Variants in PCDHA8 observed in about 807,000 individuals in gnomAD.
PCDHA8 encodes protocadherin alpha 8.
PCDHA8 carries 53 observed loss-of-function variants against 61.8 expected under a neutral mutation model. The ratio of observed to expected loss-of-function variants is 0.86; its 90% CI spans 0.69 to 1.08. The LOEUF is 1.08. Ranked by LOEUF, PCDHA8 falls within the 50% of genes least tolerant of loss-of-function variation. PCDHA8 has a pLI of 0.00. For missense variants in PCDHA8, 1,293 were observed against 1,245.0 expected (o/e 1.04, Z -0.58); for synonymous variants, 618 against 556.6 (o/e 1.11, Z -1.55).
intron 1 of PCDHA8, chr5:140,926,693 C>G (rs576013331): frequency 3.9e-4 from 291 of 742,942 alleles, no homozygotes; most frequent in Non-Finnish European, 5.0e-4. Flanking sequence ...CTAGCAAGCC[C>G]GGCTCCCAGC....
In PCDHA8 at chr5:140,842,782, C is replaced by T. The variant is rs1349278415; in HGVS notation, c.1461C>T (p.Asn487=). 6 of 1,594,538 alleles carry T rather than the reference C, an allele frequency of 3.8e-6. 1 individual carries two copies. The highest frequency in any genetic ancestry group is 5.1e-6 in the Non-Finnish European group (6 of 1,165,434). The part of the protein sequence containing the change: ...VSARDADAQE[N]ALVSYSLVER... ...CGCGAGACGCGGACGCGCAGGAGAA[C>T]GCGCTGGTGTCCTACTCGCTTGTGG... The change falls in exon 1 of 4, where the codon AAC becomes AAT. Residue 487 remains asparagine, a synonymous_variant. Transcript: ENST00000531613.
At chr5:140,864,639 A>C (rs2048553058) in intron 1 of PCDHA8, 1 of 152,238 alleles carries the variant, frequency 6.6e-6, no homozygotes, top group South Asian at 2.1e-4. Flanking sequence ...ACAAAACAAA[A>C]CAATGTCAGC....
rs782769711 is a variant in PCDHA8, at chr5:140,857,323, C to T, written c.2394+13608C>T. ...TGTCGGCCTATGAGCTGGTGGTGAC[C>T]GCGCGGGACGGGGGCTCGCCTCCGC... On this transcript the variant is annotated intron_variant, in intron 1 of 3. Coordinates refer to ENST00000531613, the MANE Select transcript of PCDHA8 (RefSeq NM_018911.3). The T allele has an allele frequency of 2.5e-6, 4 of 1,598,498 alleles. 1 individual carries two copies. Among genetic ancestry groups the T allele is most frequent in the Admixed American group, 1.7e-5 (1 of 59,312 alleles).
chr5:140,858,632 C>CT, intron 1 of PCDHA8: 1 of 1,018,812 alleles, frequency 9.8e-7, no homozygotes, highest in Non-Finnish European at 1.4e-6. Context: ...GTGTGTCAGC[C>CT]TTTGATTGGT....
chr5:140,915,049 G>A (rs141616466), intron 1 of PCDHA8, among the ~76,000 whole-genome samples: 6,100 of 150,756 alleles, frequency 0.04, 138 homozygotes, highest in Non-Finnish European at 0.052. Flanking sequence ...GGGTTCAAGC[G>A]ATTCTCCTGC....
intron 1 of PCDHA8, among the ~76,000 whole-genome samples, chr5:140,917,553 T>C (rs1220066857): frequency 6.6e-6 from 1 of 152,258 alleles, no homozygotes; most frequent in African/African-American, 2.4e-5. Context: ...TACATTTAAC[T>C]CTTTAATCCA....
chr5:141,008,731 A>G (rs570212555), intron 3 of PCDHA8, among the ~76,000 whole-genome samples: 88 of 152,328 alleles, frequency 5.8e-4, no homozygotes, highest in Non-Finnish European at 1.0e-3. Flanking sequence ...GTCCAACTAG[A>G]CTGTGAGCAC....
intron 1 of PCDHA8, among the ~76,000 whole-genome samples, chr5:140,957,165 A>G (rs2095338056): frequency 6.6e-6 from 1 of 152,190 alleles, no homozygotes; most frequent in Non-Finnish European, 1.5e-5. Context: ...AAATCTAAGT[A>G]TATAAATTGG....
intron 1 of PCDHA8, chr5:140,849,693 A>T (rs2150445321): frequency 6.3e-7 from 1 of 1,598,584 alleles, no homozygotes; most frequent in South Asian, 1.1e-5. Flanking sequence ...GCTGGTGTCC[A>T]CCTACAAGAA....
At chr5:140,987,938 C>G (rs2153869339) in intron 3 of PCDHA8, among the ~76,000 whole-genome samples, 1 of 152,208 alleles carries the variant, frequency 6.6e-6, no homozygotes, top group East Asian at 1.9e-4. Context: ...AGGATTCTTA[C>G]CTGTCTGACA....
At position 140,845,398 on chromosome 5, in the gene PCDHA8, G is replaced by A. The variant is rs1272388366; in HGVS notation, c.2394+1683G>A. Among the ~76,000 whole-genome samples the A allele has an allele frequency of 2.0e-5, 3 of 149,302 alleles. 1 individual carries two copies. The highest frequency in any genetic ancestry group is 4.5e-5 in the Non-Finnish European group (3 of 66,780). ...ATAGGAGGATTCTTTCCACCACCTA[G>A]CATTGTATTTGGCAATTTATCATTT... On this transcript the variant is annotated intron_variant, in intron 1 of 3. Coordinates refer to ENST00000531613, the MANE Select transcript of PCDHA8 (RefSeq NM_018911.3).
chr5:140,986,401 C>T (rs782437347), intron 3 of PCDHA8, among the ~76,000 whole-genome samples: 1 of 152,172 alleles, frequency 6.6e-6, no homozygotes. Context: ...GCCAGTCGCT[C>T]ATGTTACAGC....
At chr5:140,871,624 A>C in intron 1 of PCDHA8, 2 of 1,409,596 alleles carry the variant, frequency 1.4e-6, no homozygotes, top group Non-Finnish European at 9.4e-7. Context: ...TTTAGATAAC[A>C]ATGTCTGTTC....
intron 1 of PCDHA8, chr5:140,969,343 G>C: frequency 1.2e-6 from 2 of 1,613,728 alleles, no homozygotes; most frequent in Non-Finnish European, 1.7e-6. Flanking sequence ...TGAGACAGTG[G>C]TCAGGGGGTC....
Position 141,009,803 on chromosome 5 carries a change from C to G in PCDHA8, c.2719C>G (p.Gln907Glu). 6.2e-7 allele frequency: 1 copy of G among 1,613,968 alleles called. No individual in the cohort carries two copies. The highest frequency in any genetic ancestry group is 8.5e-7 in the Non-Finnish European group (1 of 1,179,994). ...CATCCGGCAGGAGCCTACTAACAGC[C>G]AAATTGACAAAAGTGACTTCATAAC... ...ISIRQEPTNS[Q>E]IDKSDFITFG... Residue 907 changes from glutamine to glutamate, a missense_variant, in exon 4 of 4, where the codon CAA (glutamine) becomes GAA (glutamate). Physicochemically the swap from Gln to Glu is conservative, Grantham distance 29 (BLOSUM62 2). Coordinates refer to ENST00000531613, the MANE Select transcript of PCDHA8 (RefSeq NM_018911.3).
intron 1 of PCDHA8, chr5:140,858,898 G>A (rs1260279768): frequency 4.9e-6 from 1 of 204,806 alleles, no homozygotes; most frequent in East Asian, 1.4e-4. Context: ...AATATGTGTA[G>A]CGTACCACAG....
At chr5:140,958,374 A>G (rs953397625) in intron 1 of PCDHA8, among the ~76,000 whole-genome samples, 3 of 152,134 alleles carry the variant, frequency 2.0e-5, no homozygotes, top group African/African-American at 7.2e-5. Context: ...GAATGTTGCT[A>G]TTTTCTTAAC....
At chr5:140,927,630 A>C in intron 1 of PCDHA8, 1 of 1,614,182 alleles carries the variant, frequency 6.2e-7, no homozygotes, top group Non-Finnish European at 8.5e-7. Context: ...CAGAGACTGC[A>C]CCCAATGGGA....
At chr5:140,982,317 AG>A in intron 2 of PCDHA8, 157 bp from the exon 3 acceptor site, 1 of 1,347,244 alleles carries the variant, frequency 7.4e-7, no homozygotes, top group East Asian at 2.5e-5. Flanking sequence ...CAGTTTATGC[AG>A]GGTGACTGCT....
Sources: allele counts gnomAD v4.1 joint callset (sites outside exome capture counted in the v4.1 genomes callset), GRCh38; gene constraint gnomAD v4.1.1; transcripts MANE v1.5; gene names NCBI Gene and HGNC (gene_info 2026-07-23, HGNC 2026-07-21).